Variants in PSD3 observed in about 807,000 individuals in gnomAD.
PSD3 encodes the protein PH and SEC7 domain-containing protein 3.
Under a neutral mutation model 105.5 loss-of-function variants are expected in PSD3, and 49 were observed. The ratio of observed to expected loss-of-function variants is 0.46; its 90% CI spans 0.37 to 0.59. The LOEUF (loss-of-function observed/expected upper bound fraction) is 0.59, where lower values mean the gene tolerates loss of function less well. Among genes scored for constraint, PSD3 ranks in the 20% least tolerant of loss-of-function variants. The pLI is 0.00. For missense variants in PSD3, 1,561 were observed against 1,263.8 expected, an observed-to-expected ratio of 1.24 and a Z score of -3.57; for synonymous variants, 557 against 457.8, an observed-to-expected ratio of 1.22 and a Z score of -2.77.
chr8:18,739,474 T>G (rs1430198683), intron 9 of PSD3, among the ~76,000 whole-genome samples: 1 of 152,184 alleles, frequency 6.6e-6, no homozygotes, highest in African/African-American at 2.4e-5. Context: ...CTAAAACATC[T>G]GTTTTATTAT....
intron 1 of PSD3, among the ~76,000 whole-genome samples, chr8:18,973,528 G>C (rs940201790): frequency 6.6e-6 from 1 of 152,116 alleles, no homozygotes; most frequent in Non-Finnish European, 1.5e-5. Context: ...AGTCCTACTG[G>C]ATTAGGGGCC....
intron 1 of PSD3, among the ~76,000 whole-genome samples, chr8:19,053,644 G>C (rs1828605231): frequency 6.6e-6 from 1 of 152,018 alleles, no homozygotes; most frequent in African/African-American, 2.4e-5. Context: ...ACAAAAATTA[G>C]CTAGGTGGGT....
chr8:18,613,878 A>C (rs968502612), intron 11 of PSD3, among the ~76,000 whole-genome samples: 1 of 152,314 alleles, frequency 6.6e-6, no homozygotes, highest in Admixed American at 6.5e-5. Flanking sequence ...TGCAACTCCT[A>C]AACAGCAACA....
At chr8:18,637,905 C>A (rs1807383846) in intron 10 of PSD3, among the ~76,000 whole-genome samples, 1 of 152,094 alleles carries the variant, frequency 6.6e-6, no homozygotes, top group African/African-American at 2.4e-5. Flanking sequence ...TGCCTGTAAT[C>A]CCAGCACATT....
At chr8:18,691,641 T>C (rs976947019) in intron 9 of PSD3, among the ~76,000 whole-genome samples, 5 of 152,178 alleles carry the variant, frequency 3.3e-5, no homozygotes, top group Non-Finnish European at 7.4e-5. Flanking sequence ...TAATTGTATA[T>C]AAAAGGGTGA....
chr8:18,993,281 T>A (rs769480224), intron 1 of PSD3, among the ~76,000 whole-genome samples: 22 of 152,174 alleles, frequency 1.4e-4, no homozygotes, highest in Non-Finnish European at 1.9e-4. Context: ...AGGTTAAAGA[T>A]CACAGTTCTA....
chr8:18,638,112 G>A (rs555705712), intron 10 of PSD3, among the ~76,000 whole-genome samples: 5 of 140,198 alleles, frequency 3.6e-5, no homozygotes, highest in East Asian at 2.1e-4. Context: ...CTAAGATCAC[G>A]CCACTGCACT....
intron 2 of PSD3, among the ~76,000 whole-genome samples, chr8:18,915,597 A>G (rs1820529876): frequency 6.6e-6 from 1 of 152,246 alleles, no homozygotes; most frequent in African/African-American, 2.4e-5. Context: ...AAGAAGACAT[A>G]CAAATGGCCA....
At position 18,755,254 on chromosome 8, in the gene PSD3, C is replaced by A. The variant is rs185599224; in HGVS notation, c.2172+10195G>T. Among the ~76,000 whole-genome samples, 349 of 152,008 alleles carry A rather than the reference C, an allele frequency of 2.3e-3. 1 individual carries two copies. The highest frequency in any genetic ancestry group is 7.8e-3 in the African/African-American group (324 of 41,458). On this transcript the variant is annotated intron_variant, in intron 9 of 15. Transcript: ENST00000327040. ...GACCAGCCTGGTCAACATGGTGAAA[C>A]CCCTGTCCCTACTAAAAATACAAAA...
intron 8 of PSD3, among the ~76,000 whole-genome samples, chr8:18,774,015 G>T (rs1249349903): frequency 6.6e-6 from 1 of 151,842 alleles, no homozygotes; most frequent in Non-Finnish European, 1.5e-5. Context: ...CACTTTTAAT[G>T]TTCATTGCTA....
At chr8:18,611,251 G>GGA (rs1473829782) in intron 11 of PSD3, among the ~76,000 whole-genome samples, 1 of 128,894 alleles carries the variant, frequency 7.8e-6, no homozygotes, top group Non-Finnish European at 1.7e-5. Flanking sequence ...TAGGATTTTG[G>GGA]AAAAAAAAAA....
At chr8:18,854,824 T>C (rs1393794311) in intron 4 of PSD3, among the ~76,000 whole-genome samples, 3 of 152,126 alleles carry the variant, frequency 2.0e-5, no homozygotes, top group African/African-American at 4.8e-5. Flanking sequence ...ATGTAATTTG[T>C]GATTTTCTAT....
At chr8:18,634,468 G>C (rs539090789) in intron 10 of PSD3, among the ~76,000 whole-genome samples, 1 of 151,870 alleles carries the variant, frequency 6.6e-6, no homozygotes, top group Non-Finnish European at 1.5e-5. Context: ...AAAAATTAAC[G>C]TAAGTTTAAT....
At chr8:18,723,522 G>A (rs185830171) in intron 9 of PSD3, among the ~76,000 whole-genome samples, 5 of 152,202 alleles carry the variant, frequency 3.3e-5, no homozygotes, top group Admixed American at 2.0e-4. Context: ...AGCACAGAGC[G>A]ACATCCTGAA....
chr8:18,719,185 C>G (rs567406538), intron 9 of PSD3, among the ~76,000 whole-genome samples: 3 of 152,264 alleles, frequency 2.0e-5, no homozygotes, highest in East Asian at 1.9e-4. Flanking sequence ...AGAAGGCACC[C>G]TGGAAGATGG....
intron 1 of PSD3, among the ~76,000 whole-genome samples, chr8:19,036,018 G>A (rs962841311): frequency 1.3e-5 from 2 of 152,094 alleles, no homozygotes; most frequent in African/African-American, 4.8e-5. Flanking sequence ...GCCTCCCAAA[G>A]TGCTGGGATT....
intron 4 of PSD3, among the ~76,000 whole-genome samples, chr8:18,819,429 G>A (rs1269665441): frequency 6.6e-6 from 1 of 151,988 alleles, no homozygotes; most frequent in Non-Finnish European, 1.5e-5. Flanking sequence ...AACAAAAAAA[G>A]CCCTCCCCAA....
chr8:18,567,883 G>A (rs12541123), intron 14 of PSD3, among the ~76,000 whole-genome samples: 65,700 of 152,128 alleles, frequency 0.43, 16,324 homozygotes, highest in Non-Finnish European at 0.56. Flanking sequence ...TTGGAGGTGG[G>A]ACCTGGTAAG....
chr8:18,741,577 CTGTG>C (rs1804575215), intron 9 of PSD3, among the ~76,000 whole-genome samples: 3 of 152,158 alleles, frequency 2.0e-5, no homozygotes, highest in Non-Finnish European at 2.9e-5. Flanking sequence ...AACACTGCAG[CTGTG>C]CTATTCATCT....
Sources: allele counts gnomAD v4.1 joint callset (sites outside exome capture counted in the v4.1 genomes callset), GRCh38; gene constraint gnomAD v4.1.1; transcripts MANE v1.5; gene names NCBI Gene and HGNC (gene_info 2026-07-23, HGNC 2026-07-21).